Variants in SH3GL1 observed in about 807,000 individuals in gnomAD.
The protein encoded by SH3GL1 is endophilin-A2.
A neutral mutation model predicts 48.8 loss-of-function variants in SH3GL1; 21 were observed. That is an observed-to-expected ratio of 0.43 (90% CI 0.30 to 0.62). The LOEUF (loss-of-function observed/expected upper bound fraction) is 0.62, where lower values mean the gene tolerates loss of function less well. SH3GL1 is among the 20% of genes least tolerant of loss of function. SH3GL1 has a pLI of 0.11. For missense variants in SH3GL1, 454 were observed against 503.0 expected, an observed-to-expected ratio of 0.90 and a Z score of 0.93; for synonymous variants, 282 against 217.5, an observed-to-expected ratio of 1.30 and a Z score of -2.61.
At position 4,367,203 on chromosome 19, in the gene SH3GL1, G is replaced by T. The variant is rs887104159; in HGVS notation, c.46-209C>A. Among the ~76,000 whole-genome samples the T allele has an allele frequency of 3.9e-5, 6 of 152,062 alleles. No individual in the cohort carries two copies. Among genetic ancestry groups the T allele is most frequent in the African/African-American group, 1.4e-4 (6 of 41,414 alleles). The stretch of plus-strand genomic sequence containing the variant: ...GGTGGGCCTGCAGGGGGAGGGGGAG[G>T]GTGGGGGTGGCCTGCCCACCTGTGT... On this transcript the variant is annotated intron_variant, in intron 1 of 9. Transcript: ENST00000269886. This position sits in a 1 kb window ranked among gnomAD's most constrained non-coding sequence, Gnocchi z 4.2.
intron 1 of SH3GL1, chr19:4,395,764 C>G (rs1973414138): frequency 6.6e-6 from 1 of 151,380 alleles, no homozygotes; most frequent in Non-Finnish European, 1.5e-5. Flanking sequence ...AAAAAATTAG[C>G]CGGGTGTGGT....
At position 4,367,125 on chromosome 19, in the gene SH3GL1, C is replaced by T. The variant is rs758115371; in HGVS notation, c.46-131G>A. 2.3e-5 allele frequency: 19 copies of T among 824,908 alleles called. No individual in the cohort carries two copies. The highest frequency in any genetic ancestry group is 7.0e-5 in the Admixed American group (4 of 56,912). The allele number at this position is 824,908 out of a possible 1,614,324, so 51.1% of individuals were successfully genotyped here. A position where few individuals can be genotyped will look rare whatever the true frequency, so the allele number is the denominator to read the frequency against. Reference sequence around the variant, plus strand: ...CAGGAGGCCAAGTGATCAGGACACACACCTCAGGCACTGCCGTGGGCACCC... The same window carrying T: ...CAGGAGGCCAAGTGATCAGGACACATACCTCAGGCACTGCCGTGGGCACCC... On this transcript the variant is annotated intron_variant, in intron 1 of 9. Transcript: ENST00000269886. The surrounding 1 kb of genome is among the most constrained non-coding windows in gnomAD (Gnocchi z 4.2).
At chr19:4,399,341 A>AAAAAAAAAAC (rs1973478965) in intron 1 of SH3GL1, among the ~76,000 whole-genome samples, 1 of 151,094 alleles carries the variant, frequency 6.6e-6, no homozygotes, top group Non-Finnish European at 1.5e-5. Context: ...AAAAAAAAAA[A>AAAAAAAAAAC]ATCCAAGAAG....
intron 1 of SH3GL1, among the ~76,000 whole-genome samples, chr19:4,379,461 G>C (rs1431735700): frequency 6.6e-6 from 1 of 151,548 alleles, no homozygotes; most frequent in Non-Finnish European, 1.5e-5. Flanking sequence ...AAAGGACCAA[G>C]AGAGAAAATG....
chr19:4,400,474 G>T lies in SH3GL1; in HGVS notation c.-106C>A. ...AGCAGTCCCCGTCGGCGCCGCCTCCGCCACCCGCTTGCCAGCTCCGCGCCC... is the reference window on the plus strand; with the variant it reads ...AGCAGTCCCCGTCGGCGCCGCCTCCTCCACCCGCTTGCCAGCTCCGCGCCC... On this transcript the variant is annotated 5_prime_UTR_variant, in exon 1 of 10. Coordinates refer to ENST00000269886, the MANE Select transcript of SH3GL1 (RefSeq NM_003025.4). This position sits in a 1 kb window ranked among gnomAD's most constrained non-coding sequence, Gnocchi z 4.1. The T allele has an allele frequency of 9.6e-7, 1 of 1,038,506 alleles. No individual in the cohort carries two copies. Among genetic ancestry groups the T allele is most frequent in the African/African-American group, 1.7e-5 (1 of 58,788 alleles). 64.3% of individuals were successfully genotyped at this position (1,038,506 alleles called of 1,614,324 possible).
At chr19:4,363,921 G>C (rs764624904) in intron 5 of SH3GL1, 43 bp from the exon 6 acceptor site, 17 of 1,611,012 alleles carry the variant, frequency 1.1e-5, no homozygotes, top group Non-Finnish European at 1.4e-5. Flanking sequence ...AGCGGCCAGA[G>C]GGCCGCCCCA....
intron 1 of SH3GL1, among the ~76,000 whole-genome samples, chr19:4,393,642 G>A (rs1001979051): frequency 6.6e-6 from 1 of 150,572 alleles, no homozygotes; most frequent in Non-Finnish European, 1.5e-5. Context: ...ATACAAAAAT[G>A]AGCTGGGCGT....
At chr19:4,365,311 A>C (rs1972749833) in intron 4 of SH3GL1, among the ~76,000 whole-genome samples, 171 bp downstream of exon 4, 1 of 152,098 alleles carries the variant, frequency 6.6e-6, no homozygotes, top group Admixed American at 6.6e-5. Flanking sequence ...GCTGCTGGCC[A>C]GTGCTGGATG....
Position 4,362,616 on chromosome 19 carries a change from G to T in SH3GL1, c.849C>A (p.Ile283=). The change falls in exon 8 of 10, where the codon ATC becomes ATA. Residue 283 remains isoleucine (I), a synonymous_variant. Coordinates refer to ENST00000269886, the MANE Select transcript of SH3GL1 (RefSeq NM_003025.4). The part of the protein sequence containing the change: ...GGFPCTTAPK[I]AASSSFRSSD... ...GAGGGCTCCATGCCCCATTACCTGC[G>T]ATCTTGGGGGCTGTGGTGCAGGGGA... 3 of 1,613,684 alleles carry T rather than the reference G, an allele frequency of 1.9e-6. No homozygotes were observed. The highest frequency in any genetic ancestry group is 3.4e-4 in the Middle Eastern group (2 of 5,852).
chr19:4,363,698 T>C, intron 6 of SH3GL1, 22 bp downstream of exon 6: 2 of 1,612,332 alleles, frequency 1.2e-6, no homozygotes, highest in Non-Finnish European at 1.7e-6. Context: ...CTTCTCAGGA[T>C]GTGACACCCC....
intron 1 of SH3GL1, among the ~76,000 whole-genome samples, chr19:4,397,307 C>T (rs1599625672): frequency 1.3e-5 from 2 of 152,228 alleles, no homozygotes; most frequent in Non-Finnish European, 1.5e-5. Flanking sequence ...GACTAGGCCT[C>T]GGGATGTGGA....
chr19:4,393,513 C>T (rs923981297), intron 1 of SH3GL1, among the ~76,000 whole-genome samples: 5 of 151,996 alleles, frequency 3.3e-5, no homozygotes, highest in South Asian at 2.1e-4. Flanking sequence ...TAAAAATAGG[C>T]GAGGCACAGT....
At position 4,362,363 on chromosome 19, in the gene SH3GL1, G is replaced by A. The variant is rs200126906; in HGVS notation, c.876C>T (p.Ser292=). 103 of 1,612,050 alleles carry A rather than the reference G, an allele frequency of 6.4e-5. No homozygotes were observed. In the African/African-American group the frequency reaches 7.6e-4, roughly 12 times the overall value. Residue 292 remains serine (S), a synonymous_variant, in exon 9 of 10, where the codon TCC becomes TCT. Transcript: ENST00000269886. ...KIAASSSFRS[S]DKPIRTPSRS... ...GGCTAGGGGTCCGGATGGGCTTGTC[G>A]GAAGATCGGAAAGACGATGAAGCTA...
Position 4,368,829 on chromosome 19 carries a change from T to C in SH3GL1, c.46-1835A>G, listed in dbSNP as rs575448500. Among the ~76,000 whole-genome samples, 4 of 152,240 alleles carry C rather than the reference T, an allele frequency of 2.6e-5. No individual in the cohort carries two copies. The East Asian group carries it at 7.7e-4, about 29-fold the overall frequency. On this transcript the variant is annotated intron_variant, in intron 1 of 9. Coordinates refer to ENST00000269886, the MANE Select transcript of SH3GL1 (RefSeq NM_003025.4). ...ACTCATGCCTGTAATCCCAGCACTT[T>C]GGGAGGCTGAGGCAGGCGGATCATG... is the stretch of plus-strand genomic sequence containing the variant.
At chr19:4,363,024 T>A (rs1972667023) in intron 7 of SH3GL1, among the ~76,000 whole-genome samples, 1 of 151,902 alleles carries the variant, frequency 6.6e-6, no homozygotes. Context: ...CCTCCCCCAA[T>A]TCCCCACCAC....
intron 8 of SH3GL1, 62 bp from the exon 9 acceptor site, chr19:4,362,447 A>G: frequency 1.9e-6 from 3 of 1,580,800 alleles, no homozygotes; most frequent in Admixed American, 3.6e-5. Context: ...CCCCTTCTGC[A>G]GAAGGCTGGG....
In SH3GL1 at chr19:4,394,415, G is replaced by T. The variant is rs368967831; in HGVS notation, c.45+5909C>A. ...ACACAGGCAGAAAGGAGGGAACCAG[G>T]GAGATGGGACCATGACGGACGGCTT... On this transcript the variant is annotated intron_variant, in intron 1 of 9. Coordinates refer to ENST00000269886, the MANE Select transcript of SH3GL1 (RefSeq NM_003025.4). Among the ~76,000 whole-genome samples the T allele has an allele frequency of 2.2e-4, 34 of 152,250 alleles. No homozygotes were observed. The South Asian group carries it at 5.4e-3, about 24-fold the overall frequency.
At chr19:4,386,858 G>A (rs1973245097) in intron 1 of SH3GL1, among the ~76,000 whole-genome samples, 1 of 152,222 alleles carries the variant, frequency 6.6e-6, no homozygotes, top group South Asian at 2.1e-4. Context: ...ATTTCCCACA[G>A]CGTGGCAGCT....
At chr19:4,397,314 T>C (rs1422199391) in intron 1 of SH3GL1, among the ~76,000 whole-genome samples, 1 of 152,136 alleles carries the variant, frequency 6.6e-6, no homozygotes, top group Non-Finnish European at 1.5e-5. Flanking sequence ...CCTCGGGATG[T>C]GGAAATAGGC....
Sources: gnomAD v4.1 joint callset for allele counts (sites outside exome capture counted in the v4.1 genomes callset) on GRCh38, gnomAD v4.1.1 for gene constraint, Gnocchi (gnomAD v3.1) non-coding constraint, MANE v1.5 for transcripts, NCBI Gene and HGNC (gene_info 2026-07-23, HGNC 2026-07-21) for gene names.